FYB1: variants seen among roughly 807,000 people sequenced by gnomAD.
The protein encoded by FYB1 is FYN binding protein 1.
FYB1 carries 41 observed loss-of-function variants against 94.1 expected under a neutral mutation model. That is an observed-to-expected ratio of 0.44 (90% CI 0.34 to 0.57). The LOEUF is 0.57. Ranked by LOEUF, FYB1 falls within the 20% of genes least tolerant of loss-of-function variation. FYB1 has a pLI of 0.02. For missense variants in FYB1, 1,050 were observed against 976.8 expected (o/e 1.07, Z -1.00); for synonymous variants, 367 against 353.2 (o/e 1.04, Z -0.44).
At chr5:39,235,868 T>G (rs940826616) in intron 1 of FYB1, among the ~76,000 whole-genome samples, 5 of 152,098 alleles carry the variant, frequency 3.3e-5, no homozygotes, top group Non-Finnish European at 7.4e-5. Flanking sequence ...AGGACTCTTT[T>G]GTAGTGATAG....
intron 1 of FYB1, among the ~76,000 whole-genome samples, chr5:39,208,166 A>G (rs1749028958): frequency 6.6e-6 from 1 of 152,234 alleles, no homozygotes; most frequent in African/African-American, 2.4e-5. Context: ...CAAAAGAAAC[A>G]AAACTTCCAT....
At chr5:39,173,699 G>T (rs950869966) in intron 2 of FYB1, among the ~76,000 whole-genome samples, 3 of 152,056 alleles carry the variant, frequency 2.0e-5, no homozygotes, top group African/African-American at 7.2e-5. Flanking sequence ...TGAAAAGGGA[G>T]TCCTTTCTCC....
chr5:39,189,238 T>G (rs77511464), intron 2 of FYB1, among the ~76,000 whole-genome samples: 4 of 146,542 alleles, frequency 2.7e-5, no homozygotes, highest in African/African-American at 1.1e-4. Context: ...GGAATTCCTT[T>G]TTTTTTTTTT....
At chr5:39,141,230 G>A (rs1041244171) in intron 3 of FYB1, 89 bp from the exon 4 acceptor site, 15 of 932,874 alleles carry the variant, frequency 1.6e-5, no homozygotes, top group Non-Finnish European at 2.5e-5. Flanking sequence ...TTCATGAATT[G>A]TTCTTTTTTC....
intron 1 of FYB1, among the ~76,000 whole-genome samples, chr5:39,208,381 G>T (rs1435804532): frequency 2.6e-5 from 4 of 152,168 alleles, no homozygotes; most frequent in African/African-American, 9.7e-5. Flanking sequence ...TCATGGTGGA[G>T]GCAGTAAATG....
At chr5:39,193,614 C>G (rs754008032) in intron 2 of FYB1, among the ~76,000 whole-genome samples, 1 of 152,330 alleles carries the variant, frequency 6.6e-6, no homozygotes, top group South Asian at 2.1e-4. Flanking sequence ...TGAATTCTCT[C>G]TAATACACTC....
intron 2 of FYB1, among the ~76,000 whole-genome samples, chr5:39,187,107 G>A (rs1001645050): frequency 2.0e-5 from 3 of 152,036 alleles, no homozygotes; most frequent in African/African-American, 4.8e-5. Flanking sequence ...CTCACAGATC[G>A]TTAAGTGCTC....
chr5:39,218,740 C>T (rs1441815855), intron 1 of FYB1, among the ~76,000 whole-genome samples: 1 of 152,086 alleles, frequency 6.6e-6, no homozygotes, highest in African/African-American at 2.4e-5. Context: ...TAATTACTTC[C>T]CTGCAAATCA....
intron 1 of FYB1, among the ~76,000 whole-genome samples, chr5:39,213,262 C>T (rs1749578409): frequency 6.6e-6 from 1 of 152,060 alleles, no homozygotes; most frequent in African/African-American, 2.4e-5. Flanking sequence ...AGAACCAAAC[C>T]CAGGTTCTGA....
At chr5:39,244,038 T>G (rs1751346264) in intron 1 of FYB1, among the ~76,000 whole-genome samples, 1 of 152,190 alleles carries the variant, frequency 6.6e-6, no homozygotes, top group African/African-American at 2.4e-5. Flanking sequence ...AAGGAGATTT[T>G]GGGCTGAGAC....
intron 2 of FYB1, among the ~76,000 whole-genome samples, chr5:39,195,904 T>A (rs546461012): frequency 1.4e-4 from 21 of 151,774 alleles, no homozygotes; most frequent in East Asian, 5.8e-4. Flanking sequence ...TGGGTTTTTT[T>A]AAAAAAAACG....
At chr5:39,239,193 A>ATAT (rs1751099662) in intron 1 of FYB1, among the ~76,000 whole-genome samples, 1 of 152,174 alleles carries the variant, frequency 6.6e-6, no homozygotes, top group Non-Finnish European at 1.5e-5. Flanking sequence ...TGGCCAGCCC[A>ATAT]CAGCCAACAT....
chr5:39,202,665 G>A lies in FYB1; in HGVS notation c.296C>T (p.Thr99Ile). The change falls in exon 2 of 19, where the codon ACC becomes ATC. Residue 99 changes from threonine to isoleucine, a missense_variant. Thr to Ile is a moderately conservative substitution (Grantham distance 89). Transcript: ENST00000512982. ...CACTTTCGCCTCGGGGTCTCTGGTG[G>A]TCAAGCTGGCTGGTGTTCCGAATCT... ...GQRFGTPASL[T>I]TRDPEAKVGF... 6.2e-7 allele frequency: 1 copy of A among 1,613,854 alleles called. No homozygotes were observed. The highest frequency in any genetic ancestry group is 8.5e-7 in the Non-Finnish European group (1 of 1,179,852).
chr5:39,207,442 C>T (rs754932384), intron 1 of FYB1, among the ~76,000 whole-genome samples: 18 of 152,164 alleles, frequency 1.2e-4, no homozygotes, highest in East Asian at 1.9e-4. Context: ...AACAAAAATG[C>T]TTTCGTTACA....
rs66997439 is a variant in FYB1, at chr5:39,226,398, TA to T, written c.-27-23412del. Among the ~76,000 whole-genome samples the T allele has an allele frequency of 9.2e-3, 1,388 of 151,126 alleles. 22 individuals carry two copies. Among genetic ancestry groups the T allele is most frequent in the African/African-American group, 0.03 (1,221 of 41,188 alleles). ...GCCTTTCACTAGCTTTCCAAACCTT[TA>T]AAAAAAAAAAAAATCAACTCTTTAA... On this transcript the variant is annotated intron_variant, in intron 1 of 1. Coordinates refer to the FYB1 transcript ENST00000510188.
intron 3 of FYB1, among the ~76,000 whole-genome samples, chr5:39,144,380 A>C (rs1742452845): frequency 6.6e-6 from 1 of 152,230 alleles, no homozygotes; most frequent in African/African-American, 2.4e-5. Context: ...ACATATAGCT[A>C]TATTATAGAG....
chr5:39,123,893 G>T (rs115280216), intron 13 of FYB1, among the ~76,000 whole-genome samples: 3 of 152,164 alleles, frequency 2.0e-5, no homozygotes, highest in Non-Finnish European at 4.4e-5. Flanking sequence ...AGGCTTACTG[G>T]CATGTAATCT....
intron 16 of FYB1, among the ~76,000 whole-genome samples, chr5:39,115,931 G>T (rs1047635056): frequency 6.6e-6 from 1 of 152,090 alleles, no homozygotes; most frequent in Non-Finnish European, 1.5e-5. Context: ...TTTTTTCACT[G>T]ATGGCTTTTC....
chr5:39,162,161 G>T (rs1012580367), intron 2 of FYB1, among the ~76,000 whole-genome samples: 2 of 152,084 alleles, frequency 1.3e-5, no homozygotes, highest in South Asian at 4.1e-4. Flanking sequence ...GTATGTCTTC[G>T]TGTGGACCTA....
Sources: gnomAD v4.1 joint callset for allele counts (sites outside exome capture counted in the v4.1 genomes callset) on GRCh38, gnomAD v4.1.1 for gene constraint, MANE v1.5 for transcripts, NCBI Gene and HGNC (gene_info 2026-07-23, HGNC 2026-07-21) for gene names.